NF2: variants seen among roughly 807,000 people sequenced by gnomAD.
NF2 encodes the protein NF2, moesin-ezrin-radixin like (MERLIN) tumor suppressor.
Under a neutral mutation model 83.7 loss-of-function variants are expected in NF2, and 8 were observed. That is an observed-to-expected ratio of 0.10 (90% confidence interval 0.06 to 0.17). The LOEUF (loss-of-function observed/expected upper bound fraction) is 0.17. NF2 is among the 10% of genes least tolerant of loss of function. The pLI is 1.00. For synonymous variants in NF2, 266 were observed against 269.6 expected (o/e 0.99, Z 0.13); for missense variants, 533 against 744.4 (o/e 0.72, Z 3.31).
At chr22:29,692,675 G>A (rs1411509163) in intron 15 of NF2, among the ~76,000 whole-genome samples, 1 of 152,212 alleles carries the variant, frequency 6.6e-6, no homozygotes, top group Non-Finnish European at 1.5e-5. Flanking sequence ...TGCCATACGT[G>A]ACCTTGTTGT....
chr22:29,642,389 T>A, intron 4 of NF2, 104 bp downstream of exon 4: 1 of 918,018 alleles, frequency 1.1e-6, no homozygotes, highest in Non-Finnish European at 1.7e-6. Context: ...CAGAGAGACT[T>A]GCCCCAGAAA....
At chr22:29,673,716 C>G (rs1020122729) in intron 12 of NF2, among the ~76,000 whole-genome samples, 1 of 152,220 alleles carries the variant, frequency 6.6e-6, no homozygotes, top group African/African-American at 2.4e-5. Flanking sequence ...CCTCTCTGGT[C>G]ATACTTGTGT....
intron 15 of NF2, among the ~76,000 whole-genome samples, chr22:29,690,347 C>T (rs947155659): frequency 6.6e-6 from 1 of 152,202 alleles, no homozygotes; most frequent in African/African-American, 2.4e-5. Flanking sequence ...GTTTTTGTCA[C>T]ACCACACACA....
chr22:29,647,130 A>G (rs1254682215), intron 4 of NF2, among the ~76,000 whole-genome samples: 3 of 152,030 alleles, frequency 2.0e-5, no homozygotes, highest in Admixed American at 2.0e-4. Flanking sequence ...GTTGGATTGT[A>G]TATTGACCAT....
chr22:29,603,963 G>A lies in NF2; in HGVS notation c.-36G>A. On this transcript the variant is annotated 5_prime_UTR_variant, in exon 1 of 16. It adds an upstream start codon to the 5' untranslated region. Transcript: ENST00000338641. Reference sequence around the variant, plus strand: ...GGCTAAAGGGCTCAGAGTGCAGGCCGTGGGGCGCGAGGGTCCCGGGCCTGA... The same window carrying A: ...GGCTAAAGGGCTCAGAGTGCAGGCCATGGGGCGCGAGGGTCCCGGGCCTGA... 1 of 1,486,570 alleles carries A rather than the reference G, an allele frequency of 6.7e-7. No individual in the cohort carries two copies. 92.1% of individuals were successfully genotyped at this position (1,486,570 alleles called of 1,614,324 possible).
At chr22:29,609,210 G>A (rs2064884886) in intron 1 of NF2, 3 of 735,832 alleles carry the variant, frequency 4.1e-6, no homozygotes, top group Non-Finnish European at 7.7e-6. Flanking sequence ...TTGGCACCAT[G>A]GGCTAATCAA....
At chr22:29,605,822 G>A (rs775020211) in intron 1 of NF2, among the ~76,000 whole-genome samples, 22 of 152,076 alleles carry the variant, frequency 1.4e-4, no homozygotes, top group Non-Finnish European at 2.4e-4. Context: ...CTGTAATACC[G>A]GGCACTGCTC....
Position 29,697,873 on chromosome 22 carries a change from G to A in NF2, c.*3071G>A, listed in dbSNP as rs145080771. On this transcript the variant is annotated 3_prime_UTR_variant, in exon 16 of 16. Coordinates refer to ENST00000338641, the MANE Select transcript of NF2 (RefSeq NM_000268.4). Reference sequence around the variant, plus strand: ...GAGCCACCGCGCTTGGCCAGACTGCGTCCTTTTTAAGCGAACATTTTAGGG... The same window carrying A: ...GAGCCACCGCGCTTGGCCAGACTGCATCCTTTTTAAGCGAACATTTTAGGG... The A allele has an allele frequency of 5.4e-4, 108 of 201,580 alleles. 1 individual carries two copies. The highest frequency in any genetic ancestry group is 2.3e-3 in the African/African-American group (100 of 43,616). 12.5% of individuals were successfully genotyped at this position (201,580 alleles called of 1,614,324 possible).
intron 4 of NF2, among the ~76,000 whole-genome samples, chr22:29,649,941 A>G (rs539338699): frequency 6.6e-6 from 1 of 152,338 alleles, no homozygotes; most frequent in South Asian, 2.1e-4. Flanking sequence ...CCCATTCTCC[A>G]TGATGTGATT....
intron 1 of NF2, among the ~76,000 whole-genome samples, chr22:29,631,992 A>G (rs569243978): frequency 6.6e-6 from 1 of 152,328 alleles, no homozygotes; most frequent in Non-Finnish European, 1.5e-5. Flanking sequence ...CTTAGGTAAC[A>G]ATTTAACTTC....
chr22:29,641,739 C>T (rs543017277), intron 3 of NF2, among the ~76,000 whole-genome samples: 8 of 152,296 alleles, frequency 5.3e-5, no homozygotes, highest in Middle Eastern at 6.8e-3. Flanking sequence ...TAGAGCAGCA[C>T]GTTGAGAGTG....
chr22:29,639,404 T>A (rs1425808688), intron 3 of NF2, among the ~76,000 whole-genome samples, 192 bp downstream of exon 3: 5 of 152,116 alleles, frequency 3.3e-5, no homozygotes, highest in Non-Finnish European at 7.4e-5. Context: ...AAAATTGGTG[T>A]CAGATGAAAT....
At chr22:29,684,212 C>G (rs1678708840) in intron 15 of NF2, 1 of 154,534 alleles carries the variant, frequency 6.5e-6, no homozygotes, top group African/African-American at 2.4e-5. Flanking sequence ...GCGACACTTT[C>G]ATTTAGCGGG....
At chr22:29,688,334 G>C (rs558830689) in intron 15 of NF2, among the ~76,000 whole-genome samples, 2 of 152,172 alleles carry the variant, frequency 1.3e-5, no homozygotes, top group African/African-American at 4.8e-5. Context: ...AGCTCTCCTC[G>C]GCACCGGATT....
chr22:29,680,151 G>A (rs1177459120), intron 14 of NF2, among the ~76,000 whole-genome samples: 2 of 150,108 alleles, frequency 1.3e-5, no homozygotes, highest in Admixed American at 6.6e-5. Flanking sequence ...TCACTCCATC[G>A]CCCAGGCTGG....
At chr22:29,687,153 T>C (rs1311432124) in intron 15 of NF2, among the ~76,000 whole-genome samples, 2 of 152,160 alleles carry the variant, frequency 1.3e-5, no homozygotes, top group East Asian at 3.9e-4. Context: ...GCAAACAAAG[T>C]CATCACTTTT....
chr22:29,669,444 C>T (rs145291482), intron 10 of NF2, among the ~76,000 whole-genome samples: 2 of 152,264 alleles, frequency 1.3e-5, no homozygotes, highest in African/African-American at 4.8e-5. Flanking sequence ...GAATTTGAGG[C>T]TGCAGTGAGC....
chr22:29,627,648 C>T (rs2065401263), intron 1 of NF2, among the ~76,000 whole-genome samples: 1 of 152,154 alleles, frequency 6.6e-6, no homozygotes, highest in Admixed American at 6.5e-5. Context: ...GTTCCTCCCG[C>T]TCCCATAACT....
At chr22:29,633,185 T>C (rs2065560514) in intron 1 of NF2, among the ~76,000 whole-genome samples, 1 of 152,166 alleles carries the variant, frequency 6.6e-6, no homozygotes, top group African/African-American at 2.4e-5. Flanking sequence ...AAGACAAAAT[T>C]TTATTTTATA....
Sources: gnomAD v4.1 joint callset for allele counts (sites outside exome capture counted in the v4.1 genomes callset) on GRCh38, gnomAD v4.1.1 for gene constraint, MANE v1.5 for transcripts, NCBI Gene and HGNC (gene_info 2026-07-23, HGNC 2026-07-21) for gene names.